The following AOAH variants were observed in gnomAD, a reference collection of about 807,000 sequenced individuals.
AOAH encodes acyloxyacyl hydrolase, also known as acyloxyacyl hydrolase (neutrophil).
AOAH carries 64 observed loss-of-function variants against 92.2 expected under a neutral mutation model. The observed-to-expected ratio is 0.69, with a 90% CI of 0.57 to 0.86. AOAH has a LOEUF of 0.86. AOAH is among the 40% of genes least tolerant of loss of function. The pLI is 0.00. For synonymous variants in AOAH, 263 were observed against 254.5 expected (o/e 1.03, Z -0.32); for missense variants, 656 against 694.6 (o/e 0.94, Z 0.62).
At chr7:36,580,392 C>CT (rs1008476079) in intron 12 of AOAH, among the ~76,000 whole-genome samples, 1 of 152,042 alleles carries the variant, frequency 6.6e-6, no homozygotes, top group African/African-American at 2.4e-5. Context: ...CTCTGAATAT[C>CT]TTTTTAATTT....
In AOAH at chr7:36,618,339, C is replaced by G. The variant is rs766556440; in HGVS notation, c.709G>C (p.Asp237His). 1 of 1,613,912 alleles carries G rather than the reference C, an allele frequency of 6.2e-7. No individual in the cohort carries two copies. The highest frequency in any genetic ancestry group is 2.2e-5 in the East Asian group (1 of 44,864). ...DSNCNGIWGV[D>H]PKDGVPYEKK... is the part of the protein sequence containing the mutation. ...TCATATGGAACTCCATCTTTTGGAT[C>G]GACACCCTTTAAAAAAGAAACGATG... Residue 237 changes from aspartate (D) to histidine (H), a missense_variant, in exon 10 of 21, where the codon GAT becomes CAT. By Grantham distance (81) the Asp-to-His change is moderately conservative. Coordinates refer to ENST00000617537, the MANE Select transcript of AOAH (RefSeq NM_001637.4).
intron 4 of AOAH, among the ~76,000 whole-genome samples, chr7:36,658,386 G>T (rs1009879129): frequency 1.1e-4 from 17 of 152,144 alleles, no homozygotes; most frequent in African/African-American, 3.6e-4. Flanking sequence ...AGAAGGCAAA[G>T]AATTTTTTTT....
At chr7:36,690,504 TC>T (rs1284498000) in intron 1 of AOAH, among the ~76,000 whole-genome samples, 4 of 152,210 alleles carry the variant, frequency 2.6e-5, no homozygotes, top group Admixed American at 2.0e-4. Context: ...AACTGACTTT[TC>T]TACAGTTTCT....
At chr7:36,541,484 T>C (rs1160300620) in intron 15 of AOAH, among the ~76,000 whole-genome samples, 2 of 151,364 alleles carry the variant, frequency 1.3e-5, no homozygotes, top group African/African-American at 4.9e-5. Context: ...GATTGACTTA[T>C]ATTCATTTGG....
chr7:36,700,451 C>G (rs1797960152), intron 1 of AOAH, among the ~76,000 whole-genome samples: 1 of 152,076 alleles, frequency 6.6e-6, no homozygotes, highest in Admixed American at 6.6e-5. Context: ...AGTTGTTTCA[C>G]TTAAGATAAT....
At chr7:36,561,930 A>G (rs1381202790) in intron 13 of AOAH, among the ~76,000 whole-genome samples, 3 of 152,152 alleles carry the variant, frequency 2.0e-5, no homozygotes, top group African/African-American at 7.2e-5. Context: ...ACCAACGGCA[A>G]TTGGCTGTGA....
intron 11 of AOAH, among the ~76,000 whole-genome samples, chr7:36,601,514 C>T (rs1790597612): frequency 6.6e-6 from 1 of 152,234 alleles, no homozygotes; most frequent in Non-Finnish European, 1.5e-5. Context: ...CACTTCCCAT[C>T]TGGGTAACCT....
intron 4 of AOAH, among the ~76,000 whole-genome samples, chr7:36,652,235 G>T (rs745781128): frequency 2.6e-5 from 4 of 151,874 alleles, no homozygotes; most frequent in Non-Finnish European, 5.9e-5. Flanking sequence ...AAAGGACACA[G>T]GAGCCACCCT....
intron 3 of AOAH, among the ~76,000 whole-genome samples, chr7:36,672,572 C>T (rs532109675): frequency 5.3e-5 from 8 of 151,998 alleles, no homozygotes; most frequent in Non-Finnish European, 8.8e-5. Flanking sequence ...TTGAACAATG[C>T]GAACACATGG....
At chr7:36,628,410 G>C (rs1476665270) in intron 6 of AOAH, among the ~76,000 whole-genome samples, 1 of 152,156 alleles carries the variant, frequency 6.6e-6, no homozygotes, top group Non-Finnish European at 1.5e-5. Flanking sequence ...TAGCCTGATA[G>C]CTACACATTT....
At chr7:36,528,058 G>A (rs908007309) in intron 19 of AOAH, among the ~76,000 whole-genome samples, 2 of 152,226 alleles carry the variant, frequency 1.3e-5, no homozygotes, top group African/African-American at 4.8e-5. Flanking sequence ...TGCAGGTGCT[G>A]TATCAGATGT....
chr7:36,637,787 G>A (rs1007211284), intron 5 of AOAH, 64 bp downstream of exon 5: 1 of 1,477,648 alleles, frequency 6.8e-7, no homozygotes, highest in African/African-American at 1.4e-5. Context: ...GGATGTGAAA[G>A]CCGGGGCCAG....
At chr7:36,574,673 C>T (rs531279267) in intron 13 of AOAH, among the ~76,000 whole-genome samples, 2 of 152,254 alleles carry the variant, frequency 1.3e-5, no homozygotes, top group African/African-American at 2.4e-5. Context: ...GCTATGGAAC[C>T]TTGGACAAGC....
At chr7:36,618,450 G>T in intron 9 of AOAH, 105 bp from the exon 10 acceptor site, 1 of 984,612 alleles carries the variant, frequency 1.0e-6, no homozygotes, top group South Asian at 1.4e-5. Flanking sequence ...CAAATGAGTA[G>T]ATAAAACCCT....
chr7:36,573,564 A>T (rs12672178), intron 13 of AOAH, among the ~76,000 whole-genome samples: 1 of 152,090 alleles, frequency 6.6e-6, no homozygotes, highest in Admixed American at 6.5e-5. Flanking sequence ...CTAAAAATAC[A>T]AAAAATAGCT....
intron 1 of AOAH, among the ~76,000 whole-genome samples, chr7:36,712,501 G>A (rs1277754190): frequency 6.6e-6 from 1 of 152,080 alleles, no homozygotes; most frequent in Admixed American, 6.6e-5. Context: ...GAAATGTTTT[G>A]CAAAAATTAA....
chr7:36,702,889 A>G (rs1044082856), intron 1 of AOAH, among the ~76,000 whole-genome samples: 8 of 152,128 alleles, frequency 5.3e-5, no homozygotes, highest in Admixed American at 3.9e-4. Context: ...GTTTGATAGC[A>G]TTTACCCACA....
chr7:36,563,662 T>A (rs1455555482), intron 13 of AOAH, among the ~76,000 whole-genome samples: 1 of 152,254 alleles, frequency 6.6e-6, no homozygotes, highest in Non-Finnish European at 1.5e-5. Context: ...TACTGTATCA[T>A]ACACTGTCCT....
chr7:36,541,465 A>G (rs940869505), intron 15 of AOAH, among the ~76,000 whole-genome samples: 1 of 152,218 alleles, frequency 6.6e-6, no homozygotes, highest in African/African-American at 2.4e-5. Context: ...CATTTATTGA[A>G]TTTAAGCTGA....
Sources: allele counts gnomAD v4.1 joint callset (sites outside exome capture counted in the v4.1 genomes callset), GRCh38; gene constraint gnomAD v4.1.1; transcripts MANE v1.5; gene names NCBI Gene and HGNC (gene_info 2026-07-23, HGNC 2026-07-21).